ANXA10: variants seen among roughly 807,000 people sequenced by gnomAD.
The protein encoded by ANXA10 is annexin 14.
In ANXA10, 49 loss-of-function variants were observed where a neutral mutation model predicts 53.5. The observed-to-expected ratio is 0.92, with a 90% CI of 0.73 to 1.16. ANXA10 has a LOEUF of 1.16. ANXA10 is among the 50% of genes most tolerant of loss of function. The pLI, the probability that ANXA10 is intolerant of heterozygous loss-of-function variation, is 0.00. For synonymous variants in ANXA10, 131 were observed against 128.9 expected, an observed-to-expected ratio of 1.02 and a Z score of -0.11; for missense variants, 393 against 394.4, an observed-to-expected ratio of 1.00 and a Z score of 0.03.
Position 168,139,564 on chromosome 4 carries a change from A to G in ANXA10, c.179A>G (p.Gln60Arg). ...AQRMMIAEAY[Q>R]SMYGRDLIGD... Reference sequence around the variant, plus strand: ...AGGATGATGATTGCAGAGGCATACCAGAGCATGTATGGCCGGGTAAGGCCA... The same window carrying G: ...AGGATGATGATTGCAGAGGCATACCGGAGCATGTATGGCCGGGTAAGGCCA... The change falls in exon 3 of 12, where the codon CAG (glutamine) becomes CGG (arginine). Residue 60 changes from glutamine to arginine, a missense_variant. Coordinates refer to ENST00000359299, the MANE Select transcript of ANXA10 (RefSeq NM_007193.5). 1.2e-6 allele frequency: 2 copies of G among 1,610,782 alleles called. No individual in the cohort carries two copies. Among genetic ancestry groups the G allele is most frequent in the East Asian group, 2.2e-5 (1 of 44,770 alleles).
chr4:168,146,770 T>A (rs1330048219), intron 3 of ANXA10, among the ~76,000 whole-genome samples: 1 of 152,222 alleles, frequency 6.6e-6, no homozygotes, highest in East Asian at 1.9e-4. Flanking sequence ...AGAAGGAAAC[T>A]TCTGTTTAAT....
At chr4:168,144,498 T>C (rs1731376874) in intron 3 of ANXA10, among the ~76,000 whole-genome samples, 3 of 152,192 alleles carry the variant, frequency 2.0e-5, no homozygotes, top group Admixed American at 2.0e-4. Context: ...TTGTTCTTAC[T>C]TACCACTAGA....
chr4:168,093,663 C>A (rs1265788596), intron 1 of ANXA10, among the ~76,000 whole-genome samples: 2 of 152,010 alleles, frequency 1.3e-5, no homozygotes, highest in Non-Finnish European at 2.9e-5. Flanking sequence ...GGCGACAGAG[C>A]GAGACTCCAT....
chr4:168,109,348 A>C (rs1730766666), intron 1 of ANXA10, among the ~76,000 whole-genome samples: 1 of 152,216 alleles, frequency 6.6e-6, no homozygotes, highest in African/African-American at 2.4e-5. Flanking sequence ...TCTCCTAGGC[A>C]TATGTGCTCA....
At chr4:168,164,320 A>G (rs746382996) in intron 5 of ANXA10, 32 bp downstream of exon 5, 3 of 1,459,312 alleles carry the variant, frequency 2.1e-6, no homozygotes, top group South Asian at 2.3e-5. Flanking sequence ...AATATATTTT[A>G]CACATATAAG....
intron 1 of ANXA10, among the ~76,000 whole-genome samples, chr4:168,116,701 G>C (rs1326070688): frequency 6.6e-6 from 1 of 152,038 alleles, no homozygotes; most frequent in South Asian, 2.1e-4. Context: ...CAATAACTGA[G>C]AAAAACATCC....
In ANXA10 at chr4:168,177,952, G is replaced by A; in HGVS notation, c.597G>A (p.Leu199=). Residue 199 remains leucine, a synonymous_variant, in exon 8 of 12, where the codon CTG becomes CTA. Transcript: ENST00000359299. ...GEHKTMLQMI[L]CNKSYQQLRL... ...ACAAAACCATGCTGCAAATGATCCTGTGCAACAAGAGCTACCAGCAGCTGC... is the reference window on the plus strand; with the variant it reads ...ACAAAACCATGCTGCAAATGATCCTATGCAACAAGAGCTACCAGCAGCTGC... The A allele has an allele frequency of 3.7e-6, 6 of 1,613,840 alleles. No individual in the cohort carries two copies. Among genetic ancestry groups the A allele is most frequent in the Non-Finnish European group, 5.1e-6 (6 of 1,180,020 alleles).
chr4:168,128,002 G>C, intron 1 of ANXA10, 82 bp from the exon 2 acceptor site: 8 of 1,266,878 alleles, frequency 6.3e-6, no homozygotes, highest in Non-Finnish European at 5.7e-6. Flanking sequence ...GAGATTACAG[G>C]TATGAGCCAC....
At chr4:168,150,160 T>C (rs551554996) in intron 3 of ANXA10, among the ~76,000 whole-genome samples, 16 of 152,358 alleles carry the variant, frequency 1.1e-4, no homozygotes, top group African/African-American at 3.6e-4. Context: ...TCTGAAATCA[T>C]GTATACTGTT....
chr4:168,109,318 T>C (rs541916793), intron 1 of ANXA10, among the ~76,000 whole-genome samples: 9 of 152,358 alleles, frequency 5.9e-5, no homozygotes, highest in Middle Eastern at 3.4e-3. Context: ...AAACACAGTA[T>C]GAATTTTAAT....
chr4:168,171,134 T>C (rs1190909406), intron 6 of ANXA10, among the ~76,000 whole-genome samples: 1 of 152,178 alleles, frequency 6.6e-6, no homozygotes, highest in Admixed American at 6.5e-5. Context: ...TCTTGATCAT[T>C]GTCTGTGGTG....
chr4:168,159,789 A>G (rs1731749428), intron 3 of ANXA10, among the ~76,000 whole-genome samples: 1 of 152,138 alleles, frequency 6.6e-6, no homozygotes, highest in South Asian at 2.1e-4. Flanking sequence ...GCTTTTATCT[A>G]CTAAAAAAGA....
rs571880794 is a variant in ANXA10 at position 168,184,582 on chromosome 4, T to A, written c.807T>A (p.Thr269=). 1 of 1,613,906 alleles carries A rather than the reference T, an allele frequency of 6.2e-7. No individual in the cohort carries two copies. The highest frequency in any genetic ancestry group is 8.5e-7 in the Non-Finnish European group (1 of 1,179,936). ...AIHDFGFHNK[T]VIRILIARSE... is the part of the protein sequence containing the mutation. The stretch of plus-strand genomic sequence containing the variant: ...AGGACTTTGGTTTCCATAATAAAAC[T>A]GTAATCAGGATTCTCATTGCCAGAA... The change falls in exon 11 of 12, where the codon ACT becomes ACA. Residue 269 remains threonine (T), a synonymous_variant. Coordinates refer to ENST00000359299, the MANE Select transcript of ANXA10 (RefSeq NM_007193.5).
intron 1 of ANXA10, among the ~76,000 whole-genome samples, chr4:168,125,842 T>C (rs572982978): frequency 6.6e-6 from 1 of 152,302 alleles, no homozygotes; most frequent in South Asian, 2.1e-4. Context: ...TTATTCTGTC[T>C]TCTAAAAGGA....
chr4:168,182,813 G>A (rs1388542834), intron 10 of ANXA10, among the ~76,000 whole-genome samples: 2 of 149,276 alleles, frequency 1.3e-5, no homozygotes, highest in African/African-American at 2.4e-5. Context: ...GATCTAGACT[G>A]TCCTGGCTAA....
At chr4:168,153,931 TTA>T (rs1473666199) in intron 3 of ANXA10, among the ~76,000 whole-genome samples, 1 of 152,020 alleles carries the variant, frequency 6.6e-6, no homozygotes, top group Non-Finnish European at 1.5e-5. Context: ...TGAAATTATA[TTA>T]TTTCTTTTTT....
intron 3 of ANXA10, among the ~76,000 whole-genome samples, chr4:168,157,849 A>C (rs1731716320): frequency 6.6e-6 from 1 of 152,138 alleles, no homozygotes; most frequent in South Asian, 2.1e-4. Flanking sequence ...TTGTTTATTC[A>C]TTCACCTGTT....
At chr4:168,102,366 T>C (rs1052952098) in intron 1 of ANXA10, among the ~76,000 whole-genome samples, 2 of 152,028 alleles carry the variant, frequency 1.3e-5, no homozygotes, top group South Asian at 4.1e-4. Flanking sequence ...ACTTCCATTA[T>C]CCAAAAATTC....
At chr4:168,178,725 C>A (rs1340243073) in intron 8 of ANXA10, among the ~76,000 whole-genome samples, 2 of 152,078 alleles carry the variant, frequency 1.3e-5, no homozygotes, top group Non-Finnish European at 2.9e-5. Flanking sequence ...TAACACAATT[C>A]TAAATTAGTA....
Sources: allele counts gnomAD v4.1 joint callset (sites outside exome capture counted in the v4.1 genomes callset), GRCh38; gene constraint gnomAD v4.1.1; transcripts MANE v1.5; gene names NCBI Gene and HGNC (gene_info 2026-07-23, HGNC 2026-07-21).